The following TMEM260 variants were observed in gnomAD, a reference collection of about 807,000 sequenced individuals.
TMEM260 encodes the protein transmembrane protein 260.
TMEM260 carries 82 observed loss-of-function variants against 88.9 expected under a neutral mutation model. That is an observed-to-expected ratio of 0.92 (90% CI 0.77 to 1.11). TMEM260 has a LOEUF of 1.11. Ranked by LOEUF, TMEM260 falls within the 50% of genes least tolerant of loss-of-function variation. The pLI is 0.00. For missense variants in TMEM260, 902 were observed against 853.4 expected, an observed-to-expected ratio of 1.06 and a Z score of -0.71; for synonymous variants, 314 against 309.3, an observed-to-expected ratio of 1.02 and a Z score of -0.16.
rs1359602441 is a variant in TMEM260 at position 56,647,890 on chromosome 14, AAT to A, written c.*395_*396del. On this transcript the variant is annotated 3_prime_UTR_variant, in exon 16 of 16. Transcript: ENST00000261556. ...TTTAAAGTTAAATTCTTTTGATATT[AAT>A]ACCAGACCAAAGACATTTTCTGTTT... 2 of 160,300 alleles carry A rather than the reference AAT, an allele frequency of 1.2e-5. No homozygotes were observed. Among genetic ancestry groups the A allele is most frequent in the Admixed American group, 6.0e-5 (1 of 16,738 alleles). 9.9% of individuals were successfully genotyped at this position (160,300 alleles called of 1,614,324 possible). A position where few individuals can be genotyped will look rare whatever the true frequency, so the allele number is the denominator to read the frequency against.
At chr14:56,623,552 A>C (rs1341045775) in intron 11 of TMEM260, among the ~76,000 whole-genome samples, 3 of 152,156 alleles carry the variant, frequency 2.0e-5, no homozygotes, top group Non-Finnish European at 4.4e-5. Flanking sequence ...AGCCTGAGCT[A>C]CCTGATCAAA....
intron 12 of TMEM260, among the ~76,000 whole-genome samples, chr14:56,630,407 G>T (rs1353019769): frequency 1.1e-4 from 17 of 151,888 alleles, no homozygotes; most frequent in African/African-American, 3.9e-4. Flanking sequence ...TTTTGGTATT[G>T]TCCCACAGAT....
intron 5 of TMEM260, among the ~76,000 whole-genome samples, chr14:56,607,869 C>G (rs1335508222): frequency 6.6e-6 from 1 of 152,160 alleles, no homozygotes; most frequent in Non-Finnish European, 1.5e-5. Flanking sequence ...TATTCCCCAA[C>G]TCTGCAATAG....
At chr14:56,580,817 C>A (rs1248919022) in intron 1 of TMEM260, among the ~76,000 whole-genome samples, 1 of 152,150 alleles carries the variant, frequency 6.6e-6, no homozygotes, top group Non-Finnish European at 1.5e-5. Flanking sequence ...TTCAATAATG[C>A]CATATCATGG....
At chr14:56,612,706 T>A (rs1028490203) in intron 7 of TMEM260, 1 of 155,658 alleles carries the variant, frequency 6.4e-6, no homozygotes, top group Non-Finnish European at 1.4e-5. Flanking sequence ...CAACTTTTTT[T>A]TTTTTTTTTT....
At chr14:56,640,192 GCCT>G (rs895260305) in intron 15 of TMEM260, among the ~76,000 whole-genome samples, 3 of 152,218 alleles carry the variant, frequency 2.0e-5, no homozygotes, top group African/African-American at 7.2e-5. Flanking sequence ...TGGGCAGACT[GCCT>G]CCTCAAGTGG....
rs562448742 is a variant in TMEM260, at chr14:56,619,649, T to C, written c.1226+886T>C. 4.5e-4 allele frequency among the ~76,000 whole-genome samples: 69 copies of C among 152,326 alleles called. 1 individual carries two copies. The highest frequency in any genetic ancestry group is 1.5e-3 in the African/African-American group (63 of 41,584). The stretch of plus-strand genomic sequence containing the variant: ...TTCCAGCAATATCAAGTACACATTA[T>C]GGAAATGGAAGAGAGTCCCTTGGAA... On this transcript the variant is annotated intron_variant, in intron 10 of 15. Coordinates refer to ENST00000261556, the MANE Select transcript of TMEM260 (RefSeq NM_017799.4).
At position 56,603,878 on chromosome 14, in the gene TMEM260, A is replaced by G. The variant is rs146654998; in HGVS notation, c.408A>G (p.Thr136=). 29 of 1,613,848 alleles carry G rather than the reference A, an allele frequency of 1.8e-5. No individual in the cohort carries two copies. Among genetic ancestry groups the G allele is most frequent in the Non-Finnish European group, 2.1e-5 (25 of 1,179,912 alleles). ...AAGVFSFSRL[T]WQWSIAAEVF... ...GGGTGTTTTCATTTTCTCGTCTAAC[A>G]TGGCAGTGGTCCATTGCAGCAGAGG... The change falls in exon 4 of 16, where the codon ACA becomes ACG. Residue 136 remains threonine (T), a synonymous_variant. Coordinates refer to ENST00000261556, the MANE Select transcript of TMEM260 (RefSeq NM_017799.4).
Position 56,580,050 on chromosome 14 carries a change from C to T in TMEM260, c.136C>T (p.Pro46Ser), listed in dbSNP as rs201059587. 4.0e-6 allele frequency: 5 copies of T among 1,251,934 alleles called. No homozygotes were observed. The highest frequency in any genetic ancestry group is 5.0e-6 in the Non-Finnish European group (5 of 990,468). 77.6% of individuals were successfully genotyped at this position (1,251,934 alleles called of 1,614,324 possible). A position where few individuals can be genotyped will look rare whatever the true frequency, so the allele number is the denominator to read the frequency against. The change falls in exon 1 of 16, where the codon CCT (proline) becomes TCT (serine). Residue 46 changes from proline to serine, a missense_variant. By Grantham distance (74) the Pro-to-Ser change is moderately conservative (BLOSUM62 -1). Transcript: ENST00000261556. ...CGCAGTGTTCACCTTCACCCTGCCC[C>T]CTTCGGTACCGGGGGGAGACTCCGG... ...VAAVFTFTLP[P>S]SVPGGDSGEL...
intron 4 of TMEM260, 79 bp downstream of exon 4, chr14:56,604,071 A>T: frequency 1.5e-6 from 2 of 1,369,938 alleles, no homozygotes; most frequent in Non-Finnish European, 2.0e-6. Flanking sequence ...CTTTGGCTTA[A>T]ATACCTTTTA....
intron 3 of TMEM260, among the ~76,000 whole-genome samples, chr14:56,591,356 T>C (rs1220931145): frequency 6.6e-6 from 1 of 152,206 alleles, no homozygotes; most frequent in East Asian, 1.9e-4. Context: ...TAATATTAAA[T>C]CTGTATTGTT....
At chr14:56,643,034 CAAA>C (rs1257670525) in intron 15 of TMEM260, among the ~76,000 whole-genome samples, 2 of 152,012 alleles carry the variant, frequency 1.3e-5, no homozygotes, top group East Asian at 3.9e-4. Context: ...GCTTACCAAC[CAAA>C]AAAAGTCCAG....
chr14:56,658,558 T>C, the TMEM260 span, among the ~76,000 whole-genome samples: 1 of 151,524 alleles, frequency 6.6e-6, no homozygotes, highest in Non-Finnish European at 1.5e-5. Context: ...TGAGAAAACA[T>C]TTCACAAATC....
intron 3 of TMEM260, among the ~76,000 whole-genome samples, chr14:56,597,447 A>T (rs547182264): frequency 2.0e-4 from 31 of 152,330 alleles, no homozygotes; most frequent in African/African-American, 7.2e-4. Context: ...AAGTGGAGAA[A>T]CAGCTTTTAA....
At chr14:56,579,636 G>T (rs963291354), upstream of TMEM260, 1 of 359,012 alleles carries the variant, frequency 2.8e-6, no homozygotes, top group Non-Finnish European at 5.0e-6. Flanking sequence ...TAAAGGGAAT[G>T]CTCTCCTGGT....
intron 10 of TMEM260, among the ~76,000 whole-genome samples, 171 bp from the exon 11 acceptor site, chr14:56,621,360 C>T (rs1190469087): frequency 6.6e-6 from 1 of 151,988 alleles, no homozygotes; most frequent in Non-Finnish European, 1.5e-5. Context: ...TTAGCTGCTG[C>T]TTATCAGGTG....
chr14:56,644,291 A>G (rs1318311688), intron 15 of TMEM260, among the ~76,000 whole-genome samples: 2 of 152,200 alleles, frequency 1.3e-5, no homozygotes, highest in Admixed American at 1.3e-4. Flanking sequence ...ACAGCATGGT[A>G]CTGGTACCAA....
intron 15 of TMEM260, among the ~76,000 whole-genome samples, chr14:56,640,725 C>T (rs1487476654): frequency 6.6e-6 from 1 of 152,028 alleles, no homozygotes; most frequent in Admixed American, 6.6e-5. Flanking sequence ...GAACCAATGG[C>T]AAAGAAGTTA....
chr14:56,610,688 ATACTT>A (rs1165958275), intron 6 of TMEM260, among the ~76,000 whole-genome samples: 1 of 152,156 alleles, frequency 6.6e-6, no homozygotes, highest in African/African-American at 2.4e-5. Context: ...AGAGAGTTTG[ATACTT>A]TACATTTATA....
Sources: gnomAD v4.1 joint callset for allele counts (sites outside exome capture counted in the v4.1 genomes callset) on GRCh38, gnomAD v4.1.1 for gene constraint, MANE v1.5 for transcripts, NCBI Gene and HGNC (gene_info 2026-07-23, HGNC 2026-07-21) for gene names.